SNX29: variants seen among roughly 807,000 people sequenced by gnomAD.
SNX29 encodes sorting nexin 29.
SNX29 carries 78 observed loss-of-function variants against 102.1 expected under a neutral mutation model. The ratio of observed to expected loss-of-function variants is 0.76; its 90% CI spans 0.64 to 0.92. SNX29 has a LOEUF of 0.92. Ranked by LOEUF, SNX29 falls within the 40% of genes least tolerant of loss-of-function variation. SNX29 has a pLI of 0.00. For synonymous variants in SNX29, 580 were observed against 414.5 expected, an observed-to-expected ratio of 1.40 and a Z score of -4.85; for missense variants, 1,280 against 1,061.7, an observed-to-expected ratio of 1.21 and a Z score of -2.86.
At chr16:12,287,335 A>T (rs1758091056) in intron 15 of SNX29, among the ~76,000 whole-genome samples, 1 of 152,220 alleles carries the variant, frequency 6.6e-6, no homozygotes. Context: ...AGGTCTCTGA[A>T]GGAAGAGGAG....
At chr16:12,222,835 C>G (rs548147107) in intron 14 of SNX29, among the ~76,000 whole-genome samples, 1 of 152,300 alleles carries the variant, frequency 6.6e-6, no homozygotes, top group Admixed American at 6.5e-5. Context: ...TCCCAAAGTG[C>G]TGGGATTACA....
intron 20 of SNX29, among the ~76,000 whole-genome samples, chr16:12,533,517 C>A (rs564808184): frequency 6.6e-6 from 1 of 152,158 alleles, no homozygotes; most frequent in Non-Finnish European, 1.5e-5. Context: ...GAGAGCAGCC[C>A]GTCAGCCACT....
rs77938508 is a variant in SNX29, at chr16:12,558,103, A to T, written c.2319-10403A>T. Reference sequence around the variant, plus strand: ...TCCCATGCAAAGTGGGGACGGGGCAACTGAGAATTAGAAGACCAGCAGCAT... The same window carrying T: ...TCCCATGCAAAGTGGGGACGGGGCATCTGAGAATTAGAAGACCAGCAGCAT... On this transcript the variant is annotated intron_variant, in intron 20 of 20. Coordinates refer to ENST00000566228, the MANE Select transcript of SNX29 (RefSeq NM_032167.5). 2.7e-3 allele frequency among the ~76,000 whole-genome samples: 414 copies of T among 152,336 alleles called. 14 individuals are homozygous for T. In the East Asian group the frequency reaches 0.07, roughly 26 times the overall value.
At chr16:12,007,366 G>C (rs569229991) in intron 3 of SNX29, among the ~76,000 whole-genome samples, 4 of 152,128 alleles carry the variant, frequency 2.6e-5, no homozygotes, top group Admixed American at 6.5e-5. Context: ...TTAGCCAGGC[G>C]TGGTGGTGCC....
At chr16:12,206,858 G>A (rs2077057758) in intron 14 of SNX29, among the ~76,000 whole-genome samples, 1 of 136,736 alleles carries the variant, frequency 7.3e-6, no homozygotes, top group African/African-American at 2.6e-5. Flanking sequence ...TGATTCCAGT[G>A]TGCAGGTTGG....
At chr16:12,562,690 T>G (rs115893952) in intron 20 of SNX29, among the ~76,000 whole-genome samples, 2,260 of 152,300 alleles carry the variant, frequency 0.015, 57 homozygotes, top group African/African-American at 0.051. Context: ...CACTGCCTTC[T>G]TTGGAGTCGA....
intron 3 of SNX29, among the ~76,000 whole-genome samples, chr16:12,008,763 A>G (rs894124216): frequency 1.4e-5 from 2 of 144,466 alleles, no homozygotes; most frequent in African/African-American, 2.6e-5. Context: ...TTAACTTGAG[A>G]TGGAGCCTTG....
At chr16:12,285,311 C>A (rs1326014685) in intron 15 of SNX29, among the ~76,000 whole-genome samples, 1 of 152,170 alleles carries the variant, frequency 6.6e-6, no homozygotes, top group Non-Finnish European at 1.5e-5. Context: ...TCTTCTGCTT[C>A]AATATTGCCA....
intron 14 of SNX29, among the ~76,000 whole-genome samples, chr16:12,238,115 A>G (rs2077991699): frequency 6.6e-6 from 1 of 152,196 alleles, no homozygotes; most frequent in Non-Finnish European, 1.5e-5. Context: ...GGCAGTGGGC[A>G]GGCCAGTGGC....
chr16:12,491,185 G>A (rs1264728998), intron 19 of SNX29, among the ~76,000 whole-genome samples: 2 of 152,200 alleles, frequency 1.3e-5, no homozygotes, highest in African/African-American at 2.4e-5. Context: ...GAACATTTAG[G>A]TCGTTTGCAA....
intron 11 of SNX29, among the ~76,000 whole-genome samples, chr16:12,111,542 G>T (rs548338758): frequency 6.6e-6 from 1 of 152,316 alleles, no homozygotes; most frequent in African/African-American, 2.4e-5. Context: ...ACACAGTGGG[G>T]AGGTTCCCGG....
intron 18 of SNX29, among the ~76,000 whole-genome samples, chr16:12,414,803 C>T (rs544844365): frequency 6.6e-6 from 1 of 152,238 alleles, no homozygotes; most frequent in African/African-American, 2.4e-5. Context: ...CTTATAGCAA[C>T]CTTCGCCTCC....
chr16:12,204,841 G>C (rs992249789), intron 14 of SNX29, among the ~76,000 whole-genome samples: 2 of 152,184 alleles, frequency 1.3e-5, no homozygotes, highest in African/African-American at 2.4e-5. Flanking sequence ...AGTTTCCCTG[G>C]GGTGAGTGCA....
At chr16:12,091,971 G>A (rs1192782141) in intron 11 of SNX29, among the ~76,000 whole-genome samples, 1 of 152,080 alleles carries the variant, frequency 6.6e-6, no homozygotes, top group African/African-American at 2.4e-5. Flanking sequence ...ACAGTGCACC[G>A]GGTCCATGGT....
intron 11 of SNX29, among the ~76,000 whole-genome samples, chr16:12,089,244 T>C (rs971223568): frequency 1.1e-4 from 16 of 152,054 alleles, no homozygotes; most frequent in Admixed American, 2.6e-4. Context: ...GGTGGGAAGA[T>C]TGTTCGAGCC....
intron 10 of SNX29, among the ~76,000 whole-genome samples, chr16:12,073,810 T>G (rs1475324839): frequency 3.9e-5 from 6 of 152,082 alleles, no homozygotes; most frequent in African/African-American, 1.4e-4. Context: ...TCTAAGTCTC[T>G]TTGTAGGTCA....
intron 11 of SNX29, among the ~76,000 whole-genome samples, chr16:12,109,127 CAAAAAAAAA>C (rs71139575): frequency 3.3e-3 from 109 of 33,304 alleles, no homozygotes; most frequent in African/African-American, 9.6e-3. Flanking sequence ...GGCGCTGTCT[CAAAAAAAAA>C]AAAAAAAAAA....
intron 11 of SNX29, among the ~76,000 whole-genome samples, chr16:12,120,432 G>A (rs1321915510): frequency 1.3e-5 from 2 of 152,210 alleles, no homozygotes; most frequent in African/African-American, 2.4e-5. Context: ...GCACACATGC[G>A]TCCACACGTC....
chr16:12,546,664 A>T (rs2077624314), intron 20 of SNX29: 1 of 152,218 alleles, frequency 6.6e-6, no homozygotes, highest in Admixed American at 6.5e-5. Context: ...AAGAGTGGAT[A>T]AATCTTCCTT....
Sources: gnomAD v4.1 joint callset for allele counts (sites outside exome capture counted in the v4.1 genomes callset) on GRCh38, gnomAD v4.1.1 for gene constraint, MANE v1.5 for transcripts, NCBI Gene and HGNC (gene_info 2026-07-23, HGNC 2026-07-21) for gene names.